Variants in POLD3 observed in about 807,000 individuals in gnomAD.
The protein encoded by POLD3 is DNA polymerase delta subunit 3.
POLD3 carries 19 observed loss-of-function variants against 58.2 expected under a neutral mutation model. The ratio of observed to expected loss-of-function variants is 0.33; its 90% CI spans 0.23 to 0.48. The LOEUF (loss-of-function observed/expected upper bound fraction) is 0.48. Among genes scored for constraint, POLD3 ranks in the 20% least tolerant of loss-of-function variants. The pLI, the probability that POLD3 is intolerant of heterozygous loss-of-function variation, is 0.99. For synonymous variants in POLD3, 172 were observed against 193.5 expected (o/e 0.89, Z 0.92); for missense variants, 504 against 545.5 (o/e 0.92, Z 0.76).
chr11:74,628,224 T>A (rs944567071), intron 8 of POLD3, among the ~76,000 whole-genome samples: 6 of 152,184 alleles, frequency 3.9e-5, no homozygotes, highest in Non-Finnish European at 8.8e-5. Context: ...TCATTCCTGA[T>A]TGATAATTTA....
chr11:74,667,925 A>G (rs192147814), intron 4 of POLD3, among the ~76,000 whole-genome samples: 3 of 152,376 alleles, frequency 2.0e-5, no homozygotes, highest in African/African-American at 4.8e-5. Flanking sequence ...ACATTTCTTC[A>G]AAGAATATAT....
At chr11:74,609,369 TA>T (rs2031819474) in intron 3 of POLD3, among the ~76,000 whole-genome samples, 68 of 17,142 alleles carry the variant, frequency 4.0e-3, no homozygotes, top group African/African-American at 0.023. Context: ...TATATATATA[TA>T]TATTTTTTTT....
chr11:74,624,835 T>A (rs1376274426), intron 7 of POLD3, among the ~76,000 whole-genome samples: 1 of 152,220 alleles, frequency 6.6e-6, no homozygotes, highest in Non-Finnish European at 1.5e-5. Context: ...TCTCTTTTAA[T>A]CCTTATGATA....
At chr11:74,630,314 A>C (rs2032553726) in intron 9 of POLD3, among the ~76,000 whole-genome samples, 2 of 152,194 alleles carry the variant, frequency 1.3e-5, no homozygotes, top group South Asian at 4.1e-4. Context: ...TAGCTCAACT[A>C]TACAAGTGAG....
In POLD3 at chr11:74,641,342, A is replaced by G; in HGVS notation, c.*576A>G. The stretch of plus-strand genomic sequence containing the variant: ...CTGTAATCCTCTTCCTCCATTATGC[A>G]GTACACGGACACCTGGCTACAGACC... On this transcript the variant is annotated 3_prime_UTR_variant, in exon 12 of 12. Transcript: ENST00000263681. 1.0e-6 allele frequency: 1 copy of G among 985,506 alleles called. No homozygotes were observed. Among genetic ancestry groups the G allele is most frequent in the Non-Finnish European group, 1.2e-6 (1 of 829,984 alleles). 61.0% of individuals were successfully genotyped at this position (985,506 alleles called of 1,614,324 possible).
At position 74,619,999 on chromosome 11, in the gene POLD3, T is replaced by C. The variant is rs2032202972; in HGVS notation, c.661-18T>C. The C allele has an allele frequency of 1.2e-6, 2 of 1,607,490 alleles. No individual in the cohort carries two copies. Among genetic ancestry groups the C allele is most frequent in the African/African-American group, 1.3e-5 (1 of 74,792 alleles). ...CTAAATGCCAGCAAAAAATCATATG[T>C]GTTTTCTGTGCTTGTAGGCATCTGC... On this transcript the variant is annotated intron_variant, in intron 6 of 11. Coordinates refer to ENST00000263681, the MANE Select transcript of POLD3 (RefSeq NM_006591.3).
Position 74,641,616 on chromosome 11 carries a change from A to C in POLD3, c.*850A>C. ...CCTCCCCCACTCTCAATACCTAGAG[A>C]GTGAAACCCGTACAATGAGATAAAG... is the stretch of plus-strand genomic sequence containing the variant. On this transcript the variant is annotated 3_prime_UTR_variant, in exon 12 of 12. Transcript: ENST00000263681. 1.0e-6 allele frequency: 1 copy of C among 985,412 alleles called. No homozygotes were observed. Among genetic ancestry groups the C allele is most frequent in the Non-Finnish European group, 1.2e-6 (1 of 829,918 alleles). The allele number at this position is 985,412 out of a possible 1,614,324, so 61.0% of individuals were successfully genotyped here.
chr11:74,659,121 C>G (rs1057385196), intron 4 of POLD3, among the ~76,000 whole-genome samples: 6 of 152,188 alleles, frequency 3.9e-5, no homozygotes, highest in Middle Eastern at 3.2e-3. Flanking sequence ...GTTCCCAAAC[C>G]CCAGTTCTTG....
intron 5 of POLD3, among the ~76,000 whole-genome samples, chr11:74,615,129 T>C (rs2032043998): frequency 1.3e-5 from 2 of 152,202 alleles, no homozygotes; most frequent in Admixed American, 6.5e-5. Flanking sequence ...TTGTCTGACC[T>C]TGGGCAAATT....
At chr11:74,598,870 C>A (rs2031376776) in intron 2 of POLD3, among the ~76,000 whole-genome samples, 1 of 152,074 alleles carries the variant, frequency 6.6e-6, no homozygotes, top group Non-Finnish European at 1.5e-5. Flanking sequence ...ATACCAGATT[C>A]AAGAAGTGGG....
intron 3 of POLD3, among the ~76,000 whole-genome samples, chr11:74,609,249 AT>A (rs1207430147): frequency 1.5e-3 from 207 of 141,712 alleles, no homozygotes; most frequent in African/African-American, 5.0e-3. Flanking sequence ...GTTCAATTCA[AT>A]TTTTTTTTTC....
chr11:74,655,371 A>C (rs1167273377), intron 4 of POLD3, among the ~76,000 whole-genome samples: 1 of 152,264 alleles, frequency 6.6e-6, no homozygotes. Flanking sequence ...AAAAGCAAAA[A>C]CAACCCCTAG....
intron 2 of POLD3, among the ~76,000 whole-genome samples, chr11:74,596,163 G>A (rs551053677): frequency 3.4e-5 from 5 of 148,342 alleles, no homozygotes; most frequent in Admixed American, 2.0e-4. Flanking sequence ...CACTGTGCCC[G>A]GCCTAAGAAG....
Position 74,604,087 on chromosome 11 carries a change from A to G in POLD3, c.117-605A>G, listed in dbSNP as rs554529512. On this transcript the variant is annotated intron_variant, in intron 2 of 11. Transcript: ENST00000263681. ...GGCATTAAATCTGAGTAATCATAAA[A>G]TTGGAATTTCAGAGCTGGACATTTG... 1.1e-4 allele frequency among the ~76,000 whole-genome samples: 17 copies of G among 152,358 alleles called. No individual in the cohort carries two copies. The South Asian group carries it at 3.5e-3, about 32-fold the overall frequency.
intron 4 of POLD3, among the ~76,000 whole-genome samples, chr11:74,661,747 C>T (rs1262233337): frequency 6.6e-6 from 1 of 152,240 alleles, no homozygotes; most frequent in East Asian, 1.9e-4. Flanking sequence ...GTGAAGCCAG[C>T]CAGGTTTGTG....
intron 3 of POLD3, among the ~76,000 whole-genome samples, chr11:74,607,989 A>G (rs900660648): frequency 6.6e-6 from 1 of 152,168 alleles, no homozygotes; most frequent in Middle Eastern, 3.2e-3. Flanking sequence ...CTTCCTTCAA[A>G]TCTCATCCCA....
At chr11:74,620,808 G>A (rs1397057499) in intron 7 of POLD3, among the ~76,000 whole-genome samples, 1 of 152,088 alleles carries the variant, frequency 6.6e-6, no homozygotes, top group Non-Finnish European at 1.5e-5. Flanking sequence ...TGGAGCATCA[G>A]TTTTACAAAG....
chr11:74,593,116 TC>T, intron 1 of POLD3: 1 of 778,694 alleles, frequency 1.3e-6, no homozygotes, highest in Non-Finnish European at 1.6e-6. Context: ...TTGCGTAACC[TC>T]CAGATACTGT....
At chr11:74,665,868 G>A (rs1461405980) in intron 4 of POLD3, among the ~76,000 whole-genome samples, 2 of 152,150 alleles carry the variant, frequency 1.3e-5, no homozygotes, top group African/African-American at 2.4e-5. Context: ...TGCTCTCACC[G>A]CTTATATTCA....
Sources: allele counts gnomAD v4.1 joint callset (sites outside exome capture counted in the v4.1 genomes callset), GRCh38; gene constraint gnomAD v4.1.1; transcripts MANE v1.5; gene names NCBI Gene and HGNC (gene_info 2026-07-23, HGNC 2026-07-21).